The following NVL variants were observed in gnomAD, a reference collection of about 807,000 sequenced individuals.
NVL encodes nuclear valosin-containing protein-like.
Under a neutral mutation model 110.2 loss-of-function variants are expected in NVL, and 84 were observed. That is an observed-to-expected ratio of 0.76 (90% confidence interval 0.64 to 0.91). NVL has a LOEUF of 0.91. Ranked by LOEUF, NVL falls within the 40% of genes least tolerant of loss-of-function variation. The probability of loss-of-function intolerance (pLI) is 0.00; values close to 1 mark genes in which losing one functional copy is unlikely to be tolerated. For synonymous variants in NVL, 354 were observed against 361.1 expected (o/e 0.98, Z 0.22); for missense variants, 882 against 1,035.9 (o/e 0.85, Z 2.04).
intron 18 of NVL, among the ~76,000 whole-genome samples, chr1:224,260,898 CAG>C (rs1663898082): frequency 6.6e-6 from 1 of 151,766 alleles, no homozygotes; most frequent in African/African-American, 2.4e-5. Context: ...TTTTTTGAGA[CAG>C]AGTCTTGCTC....
chr1:224,322,490 T>G (rs1201208160), intron 2 of NVL, among the ~76,000 whole-genome samples: 1 of 152,154 alleles, frequency 6.6e-6, no homozygotes, highest in African/African-American at 2.4e-5. Flanking sequence ...TGTCTTAGTT[T>G]CTCTTCTTTT....
At position 224,317,573 on chromosome 1, in the gene NVL, A is replaced by G. The variant is rs1413197230; in HGVS notation, c.284+121T>C. 5 of 635,260 alleles carry G rather than the reference A, an allele frequency of 7.9e-6. No individual in the cohort carries two copies. The East Asian group carries it at 1.3e-4, about 17-fold the overall frequency. The allele number at this position is 635,260 out of a possible 1,614,324, so 39.4% of individuals were successfully genotyped here. ...TAAAGAACATTCAATATGGCTGAAG[A>G]GGTTAGGTAAATATCACGCAGGGCT... On this transcript the variant is annotated intron_variant, in intron 4 of 22. Coordinates refer to ENST00000281701, the MANE Select transcript of NVL (RefSeq NM_002533.4).
At chr1:224,240,617 A>T (rs903637812) in intron 19 of NVL, among the ~76,000 whole-genome samples, 1 of 152,180 alleles carries the variant, frequency 6.6e-6, no homozygotes, top group African/African-American at 2.4e-5. Flanking sequence ...AGCTCAGTAT[A>T]TAAAGGAACA....
At chr1:224,259,170 C>T (rs530727941) in intron 18 of NVL, among the ~76,000 whole-genome samples, 11 of 151,570 alleles carry the variant, frequency 7.3e-5, no homozygotes, top group African/African-American at 2.7e-4. Flanking sequence ...CTCACTGCAA[C>T]CTCTGCCTTC....
rs2090247458 is a variant in NVL at position 224,271,499 on chromosome 1, C to T, written c.2083-3366G>A. ...CAGGGTAAGACCCTGTCTCAAACAA[C>T]AGCAACAACAACAAAACAGAAGCGT... On this transcript the variant is annotated intron_variant, in intron 17 of 22. Coordinates refer to ENST00000281701, the MANE Select transcript of NVL (RefSeq NM_002533.4). Among the ~76,000 whole-genome samples, 3 of 151,380 alleles carry T rather than the reference C, an allele frequency of 2.0e-5. No homozygotes were observed. In the South Asian group the frequency reaches 6.3e-4, roughly 32 times the overall value.
At chr1:224,294,114 T>C (rs1312400907) in intron 12 of NVL, among the ~76,000 whole-genome samples, 153 bp downstream of exon 12, 1 of 152,234 alleles carries the variant, frequency 6.6e-6, no homozygotes, top group Non-Finnish European at 1.5e-5. Context: ...ATGATTTTCT[T>C]AATGTGGGCT....
intron 11 of NVL, 31 bp downstream of exon 11, chr1:224,296,470 T>A (rs770752773): frequency 8.7e-6 from 10 of 1,152,186 alleles, no homozygotes; most frequent in Non-Finnish European, 1.2e-5. Flanking sequence ...AAATTTATTC[T>A]CTTAAAATGA....
chr1:224,325,512 T>C (rs1315875799), intron 2 of NVL, among the ~76,000 whole-genome samples: 1 of 151,044 alleles, frequency 6.6e-6, no homozygotes, highest in Admixed American at 6.6e-5. Context: ...GGTGGGCGGA[T>C]CACCTGAGGT....
chr1:224,228,422 G>A (rs141734084), intron 22 of NVL, among the ~76,000 whole-genome samples: 156 of 151,644 alleles, frequency 1.0e-3, no homozygotes, highest in African/African-American at 3.6e-3. Context: ...CCCCTGCCTC[G>A]GCCTCCTGAG....
chr1:224,250,227 T>C lies in NVL; in HGVS notation c.2274A>G (p.Leu758=). The change falls in exon 19 of 23, where the codon TTA becomes TTG. Residue 758 remains leucine, a synonymous_variant. Coordinates refer to ENST00000281701, the MANE Select transcript of NVL (RefSeq NM_002533.4). ...LPPPADRLAI[L]KTITKNGTKP... ...CTTTACTCACTTTTGTGATAGTTTT[T>C]AAGATGGCAAGGCGATCTGCAGGGG... The C allele has an allele frequency of 6.2e-7, 1 of 1,610,100 alleles. No individual in the cohort carries two copies. Among genetic ancestry groups the C allele is most frequent in the Non-Finnish European group, 8.5e-7 (1 of 1,178,678 alleles).
At position 224,296,537 on chromosome 1, in the gene NVL, G is replaced by A. The variant is rs774913075; in HGVS notation, c.1144C>T (p.Arg382Ter). Residue 382 changes from arginine (R) to a stop codon, truncating the protein, a stop_gained, in exon 11 of 23, where the codon CGA becomes TGA. Transcript: ENST00000281701. LOFTEE classifies it high-confidence loss of function. ...KREVASKDME[R>*]RIVAQLLTCM... ...GTTAGGAGTTGGGCTACAATTCTTC[G>A]TTCCATATCTTTTGAAGCCACTTCT... 11 of 1,606,080 alleles carry A rather than the reference G, an allele frequency of 6.8e-6. No individual in the cohort carries two copies. Among genetic ancestry groups the A allele is most frequent in the Admixed American group, 5.1e-5 (3 of 59,038 alleles).
At position 224,287,857 on chromosome 1, in the gene NVL, C is replaced by T. The variant is rs778654546; in HGVS notation, c.1712G>A (p.Gly571Asp). 2 of 1,614,102 alleles carry T rather than the reference C, an allele frequency of 1.2e-6. No homozygotes were observed. The highest frequency in any genetic ancestry group is 1.7e-6 in the Non-Finnish European group (2 of 1,179,996). The change falls in exon 14 of 23, where the codon GGC becomes GAC. Residue 571 changes from glycine to aspartate, a missense_variant. Gly to Asp is a moderately conservative substitution (Grantham distance 94). This residue lies in a region of NVL where 416 missense variants were observed against 499.3 expected (regional missense o/e 0.83). Transcript: ENST00000281701. ...SSVQPSAKRE[G>D]FVTVPNVTWA... ...TGTCACATTAGGGACAGTGACAAAGCCTTCCCTTTTGGCAGAGGGTTGGAC... is the reference window on the plus strand; with the variant it reads ...TGTCACATTAGGGACAGTGACAAAGTCTTCCCTTTTGGCAGAGGGTTGGAC...
At chr1:224,274,361 A>G (rs1665532145) in intron 17 of NVL, among the ~76,000 whole-genome samples, 1 of 152,098 alleles carries the variant, frequency 6.6e-6, no homozygotes, top group African/African-American at 2.4e-5. Flanking sequence ...GTGGCCAGGC[A>G]TGGTGGCTCA....
At chr1:224,235,334 A>G (rs1660344571) in intron 20 of NVL, among the ~76,000 whole-genome samples, 2 of 151,910 alleles carry the variant, frequency 1.3e-5, no homozygotes, top group South Asian at 4.1e-4. Flanking sequence ...TGCCCGGCTA[A>G]TTTTTGTAGT....
At position 224,289,294 on chromosome 1, in the gene NVL, ATAAAC is replaced by A. The variant is rs201360856; in HGVS notation, c.1575+185_1575+189del. On this transcript the variant is annotated intron_variant, in intron 13 of 22. Coordinates refer to ENST00000281701, the MANE Select transcript of NVL (RefSeq NM_002533.4). Reference sequence around the variant, plus strand: ...ATTATTGTAAAATGAATTTATTAAAATAAACTAAACATAAAACAACTCATATTTTT... The same window carrying A: ...ATTATTGTAAAATGAATTTATTAAAATAAACATAAAACAACTCATATTTTT... 1.2e-4 allele frequency: 66 copies of A among 568,648 alleles called. No individual in the cohort carries two copies. In the East Asian group the frequency reaches 1.6e-3, roughly 14 times the overall value. The allele number at this position is 568,648 out of a possible 1,614,324, so 35.2% of individuals were successfully genotyped here. A position where few individuals can be genotyped will look rare whatever the true frequency, so the allele number is the denominator to read the frequency against.
At chr1:224,269,747 C>CTTTTTTCTTTT (rs145126197) in intron 17 of NVL, 9,127 of 148,714 alleles carry the variant, frequency 0.061, 361 homozygotes, top group African/African-American at 0.097. Flanking sequence ...TTCTTTCTTT[C>CTTTTTTCTTTT]TTTTTTCTTT....
intron 4 of NVL, among the ~76,000 whole-genome samples, chr1:224,317,057 T>C (rs1670158421): frequency 6.6e-6 from 1 of 150,552 alleles, no homozygotes; most frequent in Non-Finnish European, 1.5e-5. Flanking sequence ...GAGAATCGCT[T>C]GAACCCGGGG....
rs915324946 is a variant in NVL, at chr1:224,292,450, G to A, written c.1325+1817C>T. Among the ~76,000 whole-genome samples, 5 of 152,132 alleles carry A rather than the reference G, an allele frequency of 3.3e-5. No individual in the cohort carries two copies. The South Asian group carries it at 8.3e-4, about 25-fold the overall frequency. Reference sequence around the variant, plus strand: ...AAGCTTGGAAATGTTAAAAACACTGGACAAGGACCAAGGATAACAGGAGGC... The same window carrying A: ...AAGCTTGGAAATGTTAAAAACACTGAACAAGGACCAAGGATAACAGGAGGC... On this transcript the variant is annotated intron_variant, in intron 12 of 22. Transcript: ENST00000281701.
At chr1:224,314,041 T>TA (rs1446267321) in intron 4 of NVL, among the ~76,000 whole-genome samples, 1 of 152,146 alleles carries the variant, frequency 6.6e-6, no homozygotes, top group Non-Finnish European at 1.5e-5. Context: ...ATTTTGCCTA[T>TA]AAAAACAGCA....
Sources: gnomAD v4.1 joint callset for allele counts (sites outside exome capture counted in the v4.1 genomes callset) on GRCh38, gnomAD v4.1.1 for gene constraint, gnomAD v4.1.1 regional missense constraint, MANE v1.5 for transcripts, NCBI Gene and HGNC (gene_info 2026-07-23, HGNC 2026-07-21) for gene names.